The following OGFOD1 variants were observed in gnomAD, a reference collection of about 807,000 sequenced individuals.
The protein encoded by OGFOD1 is 2-oxoglutarate and iron dependent oxygenase domain containing 1, also known as prolyl 3-hydroxylase OGFOD1.
A neutral mutation model predicts 67.7 loss-of-function variants in OGFOD1; 54 were observed. The observed-to-expected ratio is 0.80, with a 90% CI of 0.64 to 1.00. The LOEUF is 1.00. Among genes scored for constraint, OGFOD1 ranks in the 50% least tolerant of loss-of-function variants. OGFOD1 has a pLI of 0.00. For missense variants in OGFOD1, 606 were observed against 646.7 expected (o/e 0.94, Z 0.68); for synonymous variants, 221 against 227.0 (o/e 0.97, Z 0.24).
At position 56,466,212 on chromosome 16, in the gene OGFOD1, T is replaced by C; in HGVS notation, c.509T>C (p.Leu170Pro). Residue 170 changes from leucine to proline, a missense_variant, in exon 5 of 13, where the codon CTG becomes CCG. By Grantham distance (98) the Leu-to-Pro change is moderately conservative (BLOSUM62 -3). Coordinates refer to ENST00000566157, the MANE Select transcript of OGFOD1 (RefSeq NM_018233.4). ...EGRRIAFILY[L>P]VPPWDRSMGG... ...CGCCGGATTGCCTTCATCCTGTACC[T>C]GGTTCCTCCCTGGGACAGGAGCATG... is the stretch of plus-strand genomic sequence containing the variant. The C allele has an allele frequency of 6.2e-7, 1 of 1,614,116 alleles. No homozygotes were observed. The highest frequency in any genetic ancestry group is 8.5e-7 in the Non-Finnish European group (1 of 1,179,956).
chr16:56,453,822 T>G (rs1464910454), intron 2 of OGFOD1: 1 of 154,148 alleles, frequency 6.5e-6, no homozygotes, highest in Non-Finnish European at 1.4e-5. Context: ...TTCTTGGTCT[T>G]CTCTAAATTT....
At chr16:56,459,259 G>A (rs1441500734) in intron 3 of OGFOD1, among the ~76,000 whole-genome samples, 2 of 151,756 alleles carry the variant, frequency 1.3e-5, no homozygotes, top group Non-Finnish European at 2.9e-5. Context: ...AGAATCGCTT[G>A]AACCAGGGAG....
chr16:56,467,409 A>G (rs1056743530), intron 7 of OGFOD1, 116 bp downstream of exon 7: 1 of 1,098,160 alleles, frequency 9.1e-7, no homozygotes, highest in East Asian at 2.7e-5. Flanking sequence ...GCCCCTTTCC[A>G]CTTTTCTTTT....
Position 56,451,603 on chromosome 16 carries a change from T to C in OGFOD1, c.-10T>C. The C allele has an allele frequency of 6.2e-7, 1 of 1,613,248 alleles. No individual in the cohort carries two copies. Among genetic ancestry groups the C allele is most frequent in the South Asian group, 1.1e-5 (1 of 91,074 alleles). ...GATCTGCGTGGCGTGGTTCTGTGCC[T>C]TGGGAAGAGATGAATGGGAAGCGGC... On this transcript the variant is annotated 5_prime_UTR_variant, in exon 1 of 13. Coordinates refer to ENST00000566157, the MANE Select transcript of OGFOD1 (RefSeq NM_018233.4).
chr16:56,472,800 A>T (rs1963258756), intron 10 of OGFOD1, among the ~76,000 whole-genome samples: 1 of 151,998 alleles, frequency 6.6e-6, no homozygotes, highest in South Asian at 2.1e-4. Context: ...ATTGTTCTGT[A>T]TTTTTTCCAC....
At position 56,457,530 on chromosome 16, in the gene OGFOD1, A is replaced by T. The variant is rs374735900; in HGVS notation, c.301-1018A>T. On this transcript the variant is annotated intron_variant, in intron 2 of 12. Coordinates refer to ENST00000566157, the MANE Select transcript of OGFOD1 (RefSeq NM_018233.4). ...CCAATGAATTATACACTTTCAAGAA[A>T]TTGAAATTATGTGGATAATTGTGTT... Among the ~76,000 whole-genome samples, 7 of 152,374 alleles carry T rather than the reference A, an allele frequency of 4.6e-5. No individual in the cohort carries two copies. In the East Asian group the frequency reaches 1.2e-3, roughly 25 times the overall value.
At position 56,478,578 on chromosome 16, in the gene OGFOD1, C is replaced by G. The variant is rs541189819; in HGVS notation, c.*2373C>G. 6.6e-6 allele frequency: 1 copy of G among 152,288 alleles called. No homozygotes were observed. The highest frequency in any genetic ancestry group is 6.5e-5 in the Admixed American group (1 of 15,298). 9.4% of individuals were successfully genotyped at this position (152,288 alleles called of 1,614,324 possible). ...CTTCAGGAAGACCCAGGGAAAAGTG[C>G]TTGGGTAGGTGAAACTGTCATGTGT... is the stretch of plus-strand genomic sequence containing the variant. On this transcript the variant is annotated 3_prime_UTR_variant, in exon 13 of 13. Transcript: ENST00000566157.
intron 3 of OGFOD1, among the ~76,000 whole-genome samples, chr16:56,460,570 A>T (rs1237638690): frequency 3.9e-5 from 6 of 152,224 alleles, no homozygotes; most frequent in Admixed American, 3.9e-4. Flanking sequence ...TAAAAGTTAC[A>T]TGGCACCTCT....
chr16:56,466,404 A>G, intron 5 of OGFOD1, 136 bp downstream of exon 5: 3 of 610,392 alleles, frequency 4.9e-6, no homozygotes, highest in Non-Finnish European at 8.8e-6. Flanking sequence ...TATAGTAACT[A>G]CCTCAAGAGG....
chr16:56,465,652 G>A (rs1413970844), intron 4 of OGFOD1: 1 of 153,936 alleles, frequency 6.5e-6, no homozygotes, highest in African/African-American at 2.4e-5. Flanking sequence ...CATTAAATTA[G>A]TCTTTATAGT....
At chr16:56,474,389 C>T (rs986232082) in intron 10 of OGFOD1, among the ~76,000 whole-genome samples, 1 of 146,924 alleles carries the variant, frequency 6.8e-6, no homozygotes, top group Non-Finnish European at 1.5e-5. Flanking sequence ...GGCACAATCT[C>T]GGCTTACCAC....
At position 56,467,177 on chromosome 16, in the gene OGFOD1, C is replaced by G. The variant is rs1453091414; in HGVS notation, c.670C>G (p.Leu224Val). 2 of 1,614,064 alleles carry G rather than the reference C, an allele frequency of 1.2e-6. No homozygotes were observed. The highest frequency in any genetic ancestry group is 4.5e-5 in the East Asian group (2 of 44,876). ...PVSFHQVSEV[L>V]SEEKSRLSIS... is the part of the protein sequence containing the mutation. Reference sequence around the variant, plus strand: ...CTTCTCCTTTCAGGTGTCTGAAGTGCTGTCTGAAGAAAAGTCACGTTTGTC... The same window carrying G: ...CTTCTCCTTTCAGGTGTCTGAAGTGGTGTCTGAAGAAAAGTCACGTTTGTC... The change falls in exon 7 of 13, where the codon CTG becomes GTG. Residue 224 changes from leucine (L) to valine (V), a missense_variant. Leu to Val is a conservative substitution (Grantham distance 32, BLOSUM62 1). Coordinates refer to ENST00000566157, the MANE Select transcript of OGFOD1 (RefSeq NM_018233.4).
Position 56,458,594 on chromosome 16 carries a change from G to T in OGFOD1, c.347G>T (p.Arg116Met). 6.2e-7 allele frequency: 1 copy of T among 1,612,230 alleles called. No individual in the cohort carries two copies. Among genetic ancestry groups the T allele is most frequent in the South Asian group, 1.1e-5 (1 of 91,026 alleles). Reference protein sequence around the residue: ...KRREPHISTLRKILFEDFRSW... With the variant: ...KRREPHISTLMKILFEDFRSW... ...AGAGAGCCTCACATCTCCACTTTAA[G>T]GTAAACAAGTAATCATATTTGTTGG... Residue 116 changes from arginine (R) to methionine (M), a missense_variant and splice_region_variant, in exon 3 of 13, where the codon AGG becomes ATG. Physicochemically the swap from Arg to Met is moderately conservative, Grantham distance 91. Transcript: ENST00000566157.
chr16:56,454,735 G>A, intron 2 of OGFOD1: 1 of 425,172 alleles, frequency 2.4e-6, no homozygotes, highest in Admixed American at 2.8e-5. Context: ...GGATAAGAGA[G>A]TAAATAACGA....
At chr16:56,473,576 G>T (rs759240633) in intron 10 of OGFOD1, among the ~76,000 whole-genome samples, 3 of 152,134 alleles carry the variant, frequency 2.0e-5, no homozygotes, top group Non-Finnish European at 2.9e-5. Flanking sequence ...ACATGATGAT[G>T]TTTTCATTCT....
chr16:56,466,008 TAA>T (rs1962884238), intron 4 of OGFOD1, 142 bp from the exon 5 acceptor site: 5 of 599,282 alleles, frequency 8.3e-6, no homozygotes, highest in Non-Finnish European at 9.0e-6. Context: ...AGAGGAGAAA[TAA>T]GTGTCATTTT....
At chr16:56,458,622 G>A (rs1394458852) in intron 3 of OGFOD1, 28 bp downstream of exon 3, 2 of 1,562,550 alleles carry the variant, frequency 1.3e-6, no homozygotes, top group East Asian at 2.2e-5. Context: ...TTTGTTGGGT[G>A]CTAATATGTG....
At chr16:56,455,228 G>A (rs577441848) in intron 2 of OGFOD1, among the ~76,000 whole-genome samples, 35 of 151,884 alleles carry the variant, frequency 2.3e-4, no homozygotes, top group African/African-American at 7.7e-4. Context: ...TTAGCCAGGC[G>A]TGGTGGCACG....
At chr16:56,453,176 T>C in intron 1 of OGFOD1, 87 bp from the exon 2 acceptor site, 1 of 1,357,432 alleles carries the variant, frequency 7.4e-7, no homozygotes, top group South Asian at 1.4e-5. Context: ...TTCATGACCA[T>C]CCCCTTTTGT....
Sources: gnomAD v4.1 joint callset for allele counts (sites outside exome capture counted in the v4.1 genomes callset) on GRCh38, gnomAD v4.1.1 for gene constraint, MANE v1.5 for transcripts, NCBI Gene and HGNC (gene_info 2026-07-23, HGNC 2026-07-21) for gene names.